The following GCNT2 variants were observed in gnomAD, a reference collection of about 807,000 sequenced individuals.
GCNT2 encodes the protein N-acetyllactosaminide beta-1,6-N-acetylglucosaminyl-transferase.
Under a neutral mutation model 34.2 loss-of-function variants are expected in GCNT2, and 34 were observed. The observed-to-expected ratio is 1.00, with a 90% confidence interval of 0.76 to 1.32. The LOEUF (loss-of-function observed/expected upper bound fraction) is 1.32, where lower values mean the gene tolerates loss of function less well. Ranked by LOEUF, GCNT2 falls within the 40% of genes most tolerant of loss-of-function variation. GCNT2 has a pLI of 0.00. For synonymous variants in GCNT2, 212 were observed against 188.0 expected, an observed-to-expected ratio of 1.13 and a Z score of -1.04; for missense variants, 584 against 489.4, an observed-to-expected ratio of 1.19 and a Z score of -1.82.
chr6:10,528,971 T>A lies in GCNT2; in HGVS notation c.60T>A (p.Phe20Leu), dbSNP rs139117504. ...CGTCTCTTATCTCTGCCCTGATTTT[T>A]GTATTTGTTTACAATACTGAGTTAT... ...FSASLISALI[F>L]VFVYNTELWE... is the part of the protein sequence containing the mutation. The change falls in exon 3 of 5, where the codon TTT (phenylalanine) becomes TTA (leucine). Residue 20 changes from phenylalanine to leucine, a missense_variant. Phe to Leu is a conservative substitution (Grantham distance 22). Transcript: ENST00000495262. The A allele has an allele frequency of 3.1e-6, 5 of 1,614,128 alleles. No individual in the cohort carries two copies. The highest frequency in any genetic ancestry group is 4.2e-6 in the Non-Finnish European group (5 of 1,179,936).
chr6:10,593,372 C>T (rs1764727523), intron 3 of GCNT2, among the ~76,000 whole-genome samples: 1 of 152,118 alleles, frequency 6.6e-6, no homozygotes, highest in Admixed American at 6.5e-5. Context: ...GGGTCTCCCT[C>T]TGTCACCTAG....
chr6:10,524,980 C>CG (rs1761118541), intron 1 of GCNT2, among the ~76,000 whole-genome samples: 1 of 148,910 alleles, frequency 6.7e-6, no homozygotes, highest in African/African-American at 2.6e-5. Context: ...CATCGGCCCA[C>CG]CCCCCCGGTT....
At chr6:10,615,459 C>T (rs999669335) in intron 3 of GCNT2, among the ~76,000 whole-genome samples, 1 of 152,016 alleles carries the variant, frequency 6.6e-6, no homozygotes, top group Non-Finnish European at 1.5e-5. Context: ...GGGCCCCAGG[C>T]GCACATCACA....
At chr6:10,613,720 C>CGT (rs755121678) in intron 3 of GCNT2, among the ~76,000 whole-genome samples, 6 of 151,918 alleles carry the variant, frequency 3.9e-5, no homozygotes, top group East Asian at 1.9e-4. Flanking sequence ...GCTTTATATA[C>CGT]GTGTGTGTGT....
intron 3 of GCNT2, among the ~76,000 whole-genome samples, chr6:10,602,068 T>C: frequency 6.6e-6 from 1 of 152,172 alleles, no homozygotes; most frequent in East Asian, 1.9e-4. Context: ...GGCAAACCAC[T>C]GAAGAGGCCA....
chr6:10,573,163 A>G, intron 3 of GCNT2: 3 of 892,810 alleles, frequency 3.4e-6, no homozygotes, highest in Non-Finnish European at 3.9e-6. Context: ...GATGTTCTAG[A>G]TATGGATCTC....
At chr6:10,562,989 C>T (rs1245204882) in intron 3 of GCNT2, among the ~76,000 whole-genome samples, 1 of 152,050 alleles carries the variant, frequency 6.6e-6, no homozygotes, top group African/African-American at 2.4e-5. Context: ...TGAAACCCTA[C>T]CTCTACTAAA....
At chr6:10,524,425 T>C (rs1761092569) in intron 1 of GCNT2, among the ~76,000 whole-genome samples, 2 of 152,028 alleles carry the variant, frequency 1.3e-5, no homozygotes, top group African/African-American at 2.4e-5. Flanking sequence ...GCTAATTTTG[T>C]ATTTTCAGTA....
intron 3 of GCNT2, among the ~76,000 whole-genome samples, chr6:10,532,533 T>G (rs1581366101): frequency 6.6e-6 from 1 of 152,198 alleles, no homozygotes; most frequent in East Asian, 1.9e-4. Context: ...GTGCTGGGAT[T>G]ACAGGTGTGA....
chr6:10,616,717 T>C (rs1765783082), intron 3 of GCNT2, among the ~76,000 whole-genome samples: 1 of 152,194 alleles, frequency 6.6e-6, no homozygotes, highest in Non-Finnish European at 1.5e-5. Flanking sequence ...AGGGTGCTGA[T>C]TGGTGTGTTT....
In GCNT2 at chr6:10,531,874, C is replaced by CTTTT. The variant is rs71548846; in HGVS notation, c.925+2055_925+2058dup. ...AGGGAGGTAAAAAGGCCAATCCCCA[C>CTTTT]TTTTTTTTTTTTTTTTTTTTAGAGA... On this transcript the variant is annotated intron_variant, in intron 3 of 4. Transcript: ENST00000495262. 5.4e-3 allele frequency among the ~76,000 whole-genome samples: 698 copies of CTTTT among 129,538 alleles called. 15 individuals are homozygous for CTTTT. The highest frequency in any genetic ancestry group is 0.031 in the Middle Eastern group (8 of 258). The allele number at this position is 129,538 out of a possible 152,430, so 85.0% of individuals were successfully genotyped here. A position where few individuals can be genotyped will look rare whatever the true frequency, so the allele number is the denominator to read the frequency against.
At chr6:10,571,340 ATAAT>A (rs1257025174) in intron 3 of GCNT2, among the ~76,000 whole-genome samples, 1 of 147,774 alleles carries the variant, frequency 6.8e-6, no homozygotes, top group Non-Finnish European at 1.5e-5. Flanking sequence ...GATGATCATG[ATAAT>A]TATTATTATT....
At chr6:10,602,160 CT>C (rs1404841942) in intron 3 of GCNT2, among the ~76,000 whole-genome samples, 1 of 152,122 alleles carries the variant, frequency 6.6e-6, no homozygotes, top group Non-Finnish European at 1.5e-5. Context: ...CTTTTGTAAA[CT>C]TTTTATTGCA....
intron 3 of GCNT2, among the ~76,000 whole-genome samples, chr6:10,579,178 A>T (rs1193591519): frequency 6.6e-6 from 1 of 152,106 alleles, no homozygotes; most frequent in East Asian, 1.9e-4. Flanking sequence ...TTTTCTTATT[A>T]ATTTATAGGC....
In GCNT2 at chr6:10,561,181, T is replaced by C. The variant is rs1424434995; in HGVS notation, c.925+31345T>C. 3.9e-5 allele frequency among the ~76,000 whole-genome samples: 6 copies of C among 152,234 alleles called. No homozygotes were observed. In the South Asian group the frequency reaches 1.2e-3, roughly 31 times the overall value. On this transcript the variant is annotated intron_variant, in intron 3 of 4. Transcript: ENST00000495262. ...AATTTTCTTTTCTTTTTCTTTTTTTTTGAGACAGAGTTTCACTCTTGCCCA... is the reference window on the plus strand; with the variant it reads ...AATTTTCTTTTCTTTTTCTTTTTTTCTGAGACAGAGTTTCACTCTTGCCCA...
intron 3 of GCNT2, among the ~76,000 whole-genome samples, chr6:10,595,843 C>T (rs975450611): frequency 5.9e-5 from 9 of 152,170 alleles, no homozygotes; most frequent in African/African-American, 2.2e-4. Flanking sequence ...AACTTATAAA[C>T]ACACACAACA....
chr6:10,577,790 C>T (rs1451956308), intron 3 of GCNT2, among the ~76,000 whole-genome samples: 1 of 152,050 alleles, frequency 6.6e-6, no homozygotes, highest in African/African-American at 2.4e-5. Flanking sequence ...ATCCACCTGC[C>T]TCAGCCTCCC....
chr6:10,539,093 T>TA (rs1324092805), intron 3 of GCNT2, among the ~76,000 whole-genome samples: 1 of 151,648 alleles, frequency 6.6e-6, no homozygotes, highest in Non-Finnish European at 1.5e-5. Context: ...TACTCTCTAT[T>TA]AGAGTTGGAG....
At chr6:10,534,497 T>G (rs1761669551) in intron 3 of GCNT2, among the ~76,000 whole-genome samples, 1 of 152,054 alleles carries the variant, frequency 6.6e-6, no homozygotes, top group Non-Finnish European at 1.5e-5. Context: ...CAGAGAGTCC[T>G]GCCTTGGGTC....
Sources: allele counts gnomAD v4.1 joint callset (sites outside exome capture counted in the v4.1 genomes callset), GRCh38; gene constraint gnomAD v4.1.1; transcripts MANE v1.5; gene names NCBI Gene and HGNC (gene_info 2026-07-23, HGNC 2026-07-21).